SOX5: variants seen among roughly 807,000 people sequenced by gnomAD.
The protein encoded by SOX5 is SRY-box transcription factor 5, also known as transcription factor SOX-5.
SOX5 carries 9 observed loss-of-function variants against 92.0 expected under a neutral mutation model. That is an observed-to-expected ratio of 0.10 (90% CI 0.06 to 0.17). The LOEUF is 0.17. SOX5 is among the 10% of genes least tolerant of loss of function. The pLI, the probability that SOX5 is intolerant of heterozygous loss-of-function variation, is 1.00. For synonymous variants in SOX5, 344 were observed against 336.3 expected (o/e 1.02, Z -0.25); for missense variants, 642 against 944.5 (o/e 0.68, Z 4.20).
intron 3 of SOX5, among the ~76,000 whole-genome samples, chr12:23,826,718 A>G (rs569531762): frequency 1.1e-3 from 165 of 152,086 alleles, no homozygotes; most frequent in African/African-American, 3.9e-3. Flanking sequence ...AAAGTAGAGA[A>G]GGAAAACAGA....
At chr12:24,302,557 A>ATTT (rs113586904) in intron 2 of SOX5, among the ~76,000 whole-genome samples, 54 of 148,232 alleles carry the variant, frequency 3.6e-4, no homozygotes, top group African/African-American at 1.3e-3. Flanking sequence ...ATGAGTTTTG[A>ATTT]TTTTTTTTTT....
chr12:24,057,781 A>T (rs1263871367), intron 4 of SOX5, among the ~76,000 whole-genome samples: 1 of 152,224 alleles, frequency 6.6e-6, no homozygotes, highest in Non-Finnish European at 1.5e-5. Context: ...CTTTTTGGAA[A>T]AAGCATGTCA....
intron 4 of SOX5, among the ~76,000 whole-genome samples, chr12:24,135,684 G>A (rs1301607644): frequency 1.3e-5 from 2 of 152,184 alleles, no homozygotes; most frequent in African/African-American, 4.8e-5. Flanking sequence ...TCAGAGGATG[G>A]AGGGATGGCT....
chr12:23,586,717 C>T (rs530283756), intron 9 of SOX5, among the ~76,000 whole-genome samples: 1 of 151,180 alleles, frequency 6.6e-6, no homozygotes, highest in Non-Finnish European at 1.5e-5. Flanking sequence ...AAGATTAAGT[C>T]TCAAAAATTT....
chr12:23,839,990 C>CAAAAAAAAAAAAAAAAAAA (rs142394109), intron 3 of SOX5, among the ~76,000 whole-genome samples: 1 of 121,858 alleles, frequency 8.2e-6, no homozygotes, highest in Non-Finnish European at 1.7e-5. Context: ...CTCAAGAAGA[C>CAAAAAAAAAAAAAAAAAAA]AAAAAAAAAA....
At chr12:23,928,955 G>A (rs1595718076) in intron 1 of SOX5, among the ~76,000 whole-genome samples, 1 of 151,578 alleles carries the variant, frequency 6.6e-6, no homozygotes, top group Non-Finnish European at 1.5e-5. Flanking sequence ...ATTATTGCAA[G>A]TAAATATAAT....
At chr12:23,942,219 G>T (rs567508964) in intron 1 of SOX5, among the ~76,000 whole-genome samples, 6 of 151,586 alleles carry the variant, frequency 4.0e-5, no homozygotes, top group African/African-American at 1.5e-4. Context: ...TTTCAGTGTC[G>T]TATTTCTTTT....
upstream of SOX5, chr12:23,950,973 G>A (rs1389963861): frequency 2.2e-5 from 19 of 848,972 alleles, no homozygotes; most frequent in African/African-American, 4.1e-5. Flanking sequence ...CTTCACACAC[G>A]CATGCACACA....
intron 4 of SOX5, among the ~76,000 whole-genome samples, chr12:24,005,883 G>A (rs559586069): frequency 5.4e-4 from 82 of 152,084 alleles, no homozygotes; most frequent in Middle Eastern, 3.2e-3. Flanking sequence ...TATTTTCCGG[G>A]CTAGGAAATA....
At chr12:23,967,188 G>C (rs1432739872) in intron 4 of SOX5, among the ~76,000 whole-genome samples, 1 of 152,004 alleles carries the variant, frequency 6.6e-6, no homozygotes, top group Admixed American at 6.5e-5. Context: ...CACACAGTAA[G>C]GAAATGAATT....
chr12:24,095,463 A>AT (rs200032999), intron 4 of SOX5, among the ~76,000 whole-genome samples: 1 of 145,092 alleles, frequency 6.9e-6, no homozygotes, highest in Admixed American at 6.9e-5. Context: ...TTATTTATTT[A>AT]ATTTTATTCT....
chr12:24,347,427 T>C (rs1953444857), intron 2 of SOX5, among the ~76,000 whole-genome samples: 1 of 152,176 alleles, frequency 6.6e-6, no homozygotes, highest in African/African-American at 2.4e-5. Flanking sequence ...AATTAATATG[T>C]GCATTACCTC....
chr12:23,776,416 A>G (rs1378091895), intron 3 of SOX5, among the ~76,000 whole-genome samples: 1 of 152,224 alleles, frequency 6.6e-6, no homozygotes, highest in South Asian at 2.1e-4. Context: ...AAGAAATTTT[A>G]TTTTTGAAAC....
intron 3 of SOX5, among the ~76,000 whole-genome samples, chr12:24,215,209 A>C (rs903786388): frequency 2.0e-5 from 3 of 152,160 alleles, no homozygotes; most frequent in Admixed American, 6.5e-5. Flanking sequence ...ATGTTTGCTC[A>C]TACCACTTTT....
chr12:23,850,591 A>G (rs1355349182), intron 2 of SOX5, among the ~76,000 whole-genome samples: 1 of 152,036 alleles, frequency 6.6e-6, no homozygotes. Context: ...CTTATAACAA[A>G]TGTTGAAACT....
intron 1 of SOX5, chr12:24,407,479 A>T (rs929803386): frequency 6.6e-6 from 1 of 152,300 alleles, no homozygotes; most frequent in South Asian, 2.1e-4. Context: ...CAGACAAGAG[A>T]CCCACCTGCC....
chr12:23,749,127 T>A (rs1415704372), intron 4 of SOX5, among the ~76,000 whole-genome samples: 1 of 151,914 alleles, frequency 6.6e-6, no homozygotes, highest in Non-Finnish European at 1.5e-5. Flanking sequence ...CTATTACAGC[T>A]CATAAAAGGA....
chr12:23,855,526 A>G (rs2096677341), intron 2 of SOX5, among the ~76,000 whole-genome samples: 1 of 152,078 alleles, frequency 6.6e-6, no homozygotes. Context: ...CATGACACCA[A>G]TTACTTTTTA....
chr12:23,679,552 A>G (rs1317836581), intron 6 of SOX5, among the ~76,000 whole-genome samples: 1 of 152,212 alleles, frequency 6.6e-6, no homozygotes, highest in Non-Finnish European at 1.5e-5. Context: ...TAATAAAAAT[A>G]ATGTACTACT....
Sources: allele counts gnomAD v4.1 joint callset (sites outside exome capture counted in the v4.1 genomes callset), GRCh38; gene constraint gnomAD v4.1.1; transcripts MANE v1.5; gene names NCBI Gene and HGNC (gene_info 2026-07-23, HGNC 2026-07-21).